FANK1: variants seen among roughly 807,000 people sequenced by gnomAD.
The protein encoded by FANK1 is fibronectin type III and ankyrin repeat domains 1.
In FANK1, 44 loss-of-function variants were observed where a neutral mutation model predicts 45.3. The ratio of observed to expected loss-of-function variants is 0.97; its 90% CI spans 0.76 to 1.25. FANK1 has a LOEUF of 1.25. Among genes scored for constraint, FANK1 ranks in the 50% most tolerant of loss-of-function variants. The pLI, the probability that FANK1 is intolerant of heterozygous loss-of-function variation, is 0.00. For missense variants in FANK1, 391 were observed against 424.4 expected (o/e 0.92, Z 0.69); for synonymous variants, 149 against 152.5 (o/e 0.98, Z 0.17).
intron 1 of FANK1, among the ~76,000 whole-genome samples, chr10:125,914,256 C>T (rs1273660655): frequency 1.5e-5 from 2 of 133,754 alleles, no homozygotes; most frequent in Non-Finnish European, 3.1e-5. Flanking sequence ...TTTTCCAAAG[C>T]TCCAGCTCAG....
At chr10:125,982,602 A>T (rs913035804) in intron 2 of FANK1, among the ~76,000 whole-genome samples, 1 of 152,232 alleles carries the variant, frequency 6.6e-6, no homozygotes, top group African/African-American at 2.4e-5. Context: ...TCTTGTAAAA[A>T]GTGGTTATCT....
intron 1 of FANK1, among the ~76,000 whole-genome samples, chr10:125,951,746 A>G (rs937808956): frequency 3.3e-5 from 5 of 152,034 alleles, no homozygotes; most frequent in Admixed American, 6.6e-5. Context: ...CATTCTTTCA[A>G]TTTCCTTTTT....
At chr10:125,897,739 A>C (rs575149660) in intron 1 of FANK1, among the ~76,000 whole-genome samples, 272 of 143,828 alleles carry the variant, frequency 1.9e-3, no homozygotes, top group African/African-American at 6.4e-3. Context: ...TGGATTCTAC[A>C]TTTTTTTAAC....
intron 7 of FANK1, among the ~76,000 whole-genome samples, chr10:126,006,717 A>T (rs1953235845): frequency 6.6e-6 from 1 of 152,140 alleles, no homozygotes; most frequent in Non-Finnish European, 1.5e-5. Context: ...AAAATTAGCC[A>T]GGCGTGGTGG....
chr10:125,965,567 G>T (rs888980582), intron 1 of FANK1, among the ~76,000 whole-genome samples: 1 of 152,216 alleles, frequency 6.6e-6, no homozygotes, highest in African/African-American at 2.4e-5. Flanking sequence ...TAGAGATCTG[G>T]ATTGAAATCC....
chr10:125,925,217 C>G (rs1947261649), intron 1 of FANK1, among the ~76,000 whole-genome samples: 1 of 152,242 alleles, frequency 6.6e-6, no homozygotes, highest in Non-Finnish European at 1.5e-5. Context: ...ATTTGTCTGT[C>G]TCCTCATCTG....
chr10:125,908,851 A>G (rs1162811752), intron 1 of FANK1, among the ~76,000 whole-genome samples: 6 of 152,306 alleles, frequency 3.9e-5, no homozygotes, highest in Admixed American at 3.9e-4. Flanking sequence ...GAGAAAATAT[A>G]CTAGACAATA....
chr10:125,968,912 T>C (rs1950327281), intron 1 of FANK1, among the ~76,000 whole-genome samples: 1 of 152,196 alleles, frequency 6.6e-6, no homozygotes, highest in Non-Finnish European at 1.5e-5. Flanking sequence ...GTGGCGACAG[T>C]GTATGAAGCC....
chr10:126,002,101 A>G (rs1294312763), intron 6 of FANK1, among the ~76,000 whole-genome samples: 1 of 151,882 alleles, frequency 6.6e-6, no homozygotes, highest in Non-Finnish European at 1.5e-5. Context: ...TCACGAGGTC[A>G]GGAGTTTGAG....
chr10:125,952,945 A>T (rs1425536987), intron 1 of FANK1, among the ~76,000 whole-genome samples: 1 of 152,060 alleles, frequency 6.6e-6, no homozygotes, highest in East Asian at 1.9e-4. Flanking sequence ...CCCCATAGGG[A>T]GAAAGCTCAG....
intron 6 of FANK1, among the ~76,000 whole-genome samples, chr10:126,000,964 G>A (rs1035903461): frequency 7.5e-6 from 1 of 132,774 alleles, no homozygotes; most frequent in Non-Finnish European, 1.8e-5. Flanking sequence ...TATCAAATTG[G>A]TGACTAAAAA....
intron 1 of FANK1, among the ~76,000 whole-genome samples, chr10:125,924,074 C>G (rs1589874149): frequency 6.6e-6 from 1 of 152,004 alleles, no homozygotes; most frequent in African/African-American, 2.4e-5. Flanking sequence ...TGTGATTGAG[C>G]GACTACACTC....
intron 1 of FANK1, among the ~76,000 whole-genome samples, chr10:125,958,153 T>C (rs1949699553): frequency 6.6e-6 from 1 of 152,192 alleles, no homozygotes; most frequent in African/African-American, 2.4e-5. Flanking sequence ...ATTCCTCCTA[T>C]CTAGCTGTAA....
chr10:125,950,282 A>C (rs1949114729), intron 1 of FANK1, among the ~76,000 whole-genome samples: 1 of 150,852 alleles, frequency 6.6e-6, no homozygotes, highest in Admixed American at 6.6e-5. Context: ...TAATTAAACT[A>C]AAGAGCTTCT....
chr10:125,956,695 T>C (rs1014305480), intron 1 of FANK1, among the ~76,000 whole-genome samples: 16 of 152,142 alleles, frequency 1.1e-4, no homozygotes, highest in Admixed American at 1.0e-3. Context: ...TGGTAACCTG[T>C]GAGTGTGTTT....
In FANK1 at chr10:125,946,665, C is replaced by G. The variant is rs1227201954; in HGVS notation, c.14-33496C>G. ...CCTGAAAGTGATGGGGAGAATGGAA[C>G]CAAGTTGGAAAACACTCTGCAGGAT... is the stretch of plus-strand genomic sequence containing the variant. On this transcript the variant is annotated intron_variant, in intron 1 of 10. Transcript: ENST00000368693. Among the ~76,000 whole-genome samples, 730 of 149,250 alleles carry G rather than the reference C, an allele frequency of 4.9e-3. 4 individuals carry two copies. The highest frequency in any genetic ancestry group is 0.017 in the African/African-American group (684 of 40,334).
At chr10:125,972,962 CT>C in intron 1 of FANK1, 1 of 153,286 alleles carries the variant, frequency 6.5e-6, no homozygotes, top group Non-Finnish European at 1.4e-5. Flanking sequence ...CCACACCCAC[CT>C]TTTCCGGGCT....
chr10:125,934,782 C>G (rs1461756537), intron 1 of FANK1, among the ~76,000 whole-genome samples: 1 of 109,862 alleles, frequency 9.1e-6, no homozygotes, highest in African/African-American at 3.6e-5. Context: ...AAGAGAAAGA[C>G]AGTTGGAATG....
intron 2 of FANK1, among the ~76,000 whole-genome samples, chr10:125,981,571 T>C (rs969166480): frequency 6.6e-6 from 1 of 152,096 alleles, no homozygotes. Flanking sequence ...TTCCCCTTGA[T>C]AGATTTACCA....
Sources: allele counts gnomAD v4.1 joint callset (sites outside exome capture counted in the v4.1 genomes callset), GRCh38; gene constraint gnomAD v4.1.1; transcripts MANE v1.5; gene names NCBI Gene and HGNC (gene_info 2026-07-23, HGNC 2026-07-21).